The following FRY variants were observed in gnomAD, a reference collection of about 807,000 sequenced individuals.
The protein encoded by FRY is FRY microtubule binding protein.
FRY carries 128 observed loss-of-function variants against 348.4 expected under a neutral mutation model. The observed-to-expected ratio is 0.37, with a 90% CI of 0.32 to 0.43. FRY has a LOEUF of 0.43. FRY is among the 20% of genes least tolerant of loss of function. The pLI is 1.00. For missense variants in FRY, 2,736 were observed against 3,695.2 expected (o/e 0.74, Z 6.73); for synonymous variants, 1,370 against 1,374.7 (o/e 1.00, Z 0.08).
At chr13:32,169,185 C>T (rs76626039) in intron 17 of FRY, among the ~76,000 whole-genome samples, 1 of 152,202 alleles carries the variant, frequency 6.6e-6, no homozygotes. Flanking sequence ...GGGTCAGGCC[C>T]TCACCACTTG....
In FRY at chr13:32,228,748, G is replaced by A. The variant is rs940600326; in HGVS notation, c.5405+94G>A. On this transcript the variant is annotated intron_variant, in intron 40 of 60. Transcript: ENST00000542859. The stretch of plus-strand genomic sequence containing the variant: ...CCACACAGATGGAAAAGTGATCCTG[G>A]GGTTCTAACAAAGTCCTGTTTCTCT... 2.6e-5 allele frequency: 27 copies of A among 1,057,708 alleles called. No homozygotes were observed. The African/African-American group carries it at 4.2e-4, about 16-fold the overall frequency. 65.5% of individuals were successfully genotyped at this position (1,057,708 alleles called of 1,614,324 possible).
chr13:32,175,436 C>T, intron 19 of FRY, 110 bp from the exon 20 acceptor site: 1 of 768,510 alleles, frequency 1.3e-6, no homozygotes. Context: ...GTGAGAAAAC[C>T]CTTATCACTA....
At position 32,117,410 on chromosome 13, in the gene FRY, G is replaced by C. The variant is rs201875384; in HGVS notation, c.401G>C (p.Arg134Thr). Residue 134 changes from arginine (R) to threonine (T), a missense_variant, in exon 4 of 61, where the codon AGG becomes ACG. Physicochemically the swap from Arg to Thr is moderately conservative, Grantham distance 71. Transcript: ENST00000542859. Reference protein sequence around the residue: ...ILRTLFDWYKRQNGIEDESHE... With the variant: ...ILRTLFDWYKTQNGIEDESHE... ...CGTACATTATTTGACTGGTATAAAAGGCAAAATGGCATTGAGGATGAATCA... is the reference window on the plus strand; with the variant it reads ...CGTACATTATTTGACTGGTATAAAACGCAAAATGGCATTGAGGATGAATCA... 1.2e-5 allele frequency: 20 copies of C among 1,613,684 alleles called. No individual in the cohort carries two copies. Among genetic ancestry groups the C allele is most frequent in the Non-Finnish European group, 8.5e-7 (1 of 1,179,748 alleles).
chr13:32,095,469 C>T (rs2138605361), intron 2 of FRY, among the ~76,000 whole-genome samples: 1 of 151,120 alleles, frequency 6.6e-6, no homozygotes, highest in African/African-American at 2.4e-5. Context: ...GCCTCAGCCT[C>T]CCAAGTGGCT....
intron 16 of FRY, among the ~76,000 whole-genome samples, chr13:32,160,466 A>T (rs532269073): frequency 6.6e-6 from 1 of 152,328 alleles, no homozygotes; most frequent in East Asian, 1.9e-4. Flanking sequence ...CAAAATATAT[A>T]TTTCTCCTTC....
Position 32,171,062 on chromosome 13 carries a change from T to C in FRY, c.1943T>C (p.Leu648Pro). 1 of 1,611,342 alleles carries C rather than the reference T, an allele frequency of 6.2e-7. No homozygotes were observed. The highest frequency in any genetic ancestry group is 8.5e-7 in the Non-Finnish European group (1 of 1,177,474). Residue 648 changes from leucine (L) to proline (P), a missense_variant, in exon 18 of 61, where the codon CTT (leucine) becomes CCT (proline). Leu to Pro is a moderately conservative substitution (Grantham distance 98). Around this residue, in one of 9 missense-constraint regions of FRY, gnomAD observed 449 missense variants for 576.9 expected, o/e 0.78. Coordinates refer to ENST00000542859, the MANE Select transcript of FRY (RefSeq NM_023037.3). ...TTGCGACATATTGCACAAAATTCTC[T>C]TCAGGGTTTACTTGTTGACTTCTCA... The part of the protein sequence containing the change: ...DELRHIAQNS[L>P]QGLLVDFSDW...
intron 18 of FRY, among the ~76,000 whole-genome samples, chr13:32,171,956 A>T (rs61946727): frequency 7.6e-3 from 229 of 30,136 alleles, no homozygotes; most frequent in African/African-American, 0.012. Context: ...GGATGTGGAT[A>T]TGGGTGTGGA....
chr13:32,177,346 T>A (rs1237633745), intron 20 of FRY, among the ~76,000 whole-genome samples: 2 of 152,134 alleles, frequency 1.3e-5, no homozygotes, highest in Non-Finnish European at 2.9e-5. Context: ...CCCAGCACTT[T>A]GGGAGGCCAA....
chr13:32,112,590 C>T (rs1039459140), intron 3 of FRY, among the ~76,000 whole-genome samples: 4 of 152,210 alleles, frequency 2.6e-5, no homozygotes, highest in Admixed American at 2.0e-4. Context: ...TTGAATGTGA[C>T]TTATATTCTT....
At chr13:32,234,484 C>T (rs562125662) in intron 41 of FRY, 90 bp from the exon 42 acceptor site, 28 of 1,106,578 alleles carry the variant, frequency 2.5e-5, no homozygotes, top group South Asian at 1.9e-4. Flanking sequence ...AGCCCTGTGC[C>T]GTTAGCCTGT....
chr13:32,043,377 T>C (rs1342819975), intron 1 of FRY, among the ~76,000 whole-genome samples: 1 of 152,206 alleles, frequency 6.6e-6, no homozygotes, highest in Non-Finnish European at 1.5e-5. Flanking sequence ...TTGTATAGCA[T>C]TGCATTAAGG....
At chr13:32,126,486 G>A (rs1296104264) in intron 7 of FRY, among the ~76,000 whole-genome samples, 1 of 152,164 alleles carries the variant, frequency 6.6e-6, no homozygotes, top group Non-Finnish European at 1.5e-5. Context: ...GCCAATGGTG[G>A]CTTTTTTTAT....
At chr13:32,106,455 T>C (rs1263563618) in intron 3 of FRY, among the ~76,000 whole-genome samples, 1 of 152,186 alleles carries the variant, frequency 6.6e-6, no homozygotes, top group Non-Finnish European at 1.5e-5. Flanking sequence ...TAGCTTTGGC[T>C]ACAAATGGCA....
chr13:32,053,037 C>T (rs887645462), intron 1 of FRY, among the ~76,000 whole-genome samples: 2 of 151,730 alleles, frequency 1.3e-5, no homozygotes, highest in African/African-American at 4.8e-5. Flanking sequence ...CGCTTGAACC[C>T]GGGAGGCGGA....
chr13:32,108,264 G>A (rs1877706182), intron 3 of FRY, among the ~76,000 whole-genome samples: 1 of 152,178 alleles, frequency 6.6e-6, no homozygotes, highest in African/African-American at 2.4e-5. Flanking sequence ...TGCCTAGCTA[G>A]AAAATGCCTT....
chr13:32,169,778 A>G lies in FRY; in HGVS notation c.1893-1234A>G, dbSNP rs17077175. On this transcript the variant is annotated intron_variant, in intron 17 of 60. Transcript: ENST00000542859. ...ACTGAATCTTAGGAGGGTCTCTCTT[A>G]AAAGCCTTTGCTTATTAAATAAATG... 6.9e-3 allele frequency among the ~76,000 whole-genome samples: 1,056 copies of G among 152,312 alleles called. 6 individuals carry two copies. Among genetic ancestry groups the G allele is most frequent in the African/African-American group, 0.024 (1,009 of 41,570 alleles).
chr13:32,082,721 A>G (rs548784833), intron 2 of FRY, among the ~76,000 whole-genome samples: 1 of 152,170 alleles, frequency 6.6e-6, no homozygotes, highest in African/African-American at 2.4e-5. Context: ...TCAGCTGGGA[A>G]TAGAATTCTA....
rs1485357501 is a variant in FRY at position 32,208,896 on chromosome 13, G to A, written c.4062G>A (p.Gln1354=). 6.2e-7 allele frequency: 1 copy of A among 1,614,086 alleles called. No homozygotes were observed. The highest frequency in any genetic ancestry group is 1.3e-5 in the African/African-American group (1 of 74,922). The change falls in exon 32 of 61, where the codon CAG becomes CAA. Residue 1354 remains glutamine, a synonymous_variant. Coordinates refer to ENST00000542859, the MANE Select transcript of FRY (RefSeq NM_023037.3). ...RFPTTHPNGR[Q]IMLTYLLPWL... ...CCACAACACACCCCAACGGGCGCCA[G>A]ATCATGCTTACCTACCTGCTGCCCT...
intron 29 of FRY, among the ~76,000 whole-genome samples, chr13:32,194,798 A>C (rs897345247): frequency 2.0e-5 from 3 of 152,190 alleles, no homozygotes; most frequent in African/African-American, 4.8e-5. Context: ...TGTTATATAA[A>C]TTAGTTATTC....
Sources: allele counts gnomAD v4.1 joint callset (sites outside exome capture counted in the v4.1 genomes callset), GRCh38; gene constraint gnomAD v4.1.1; regional missense constraint gnomAD v4.1.1; transcripts MANE v1.5; gene names NCBI Gene and HGNC (gene_info 2026-07-23, HGNC 2026-07-21).